NAV3: variants seen among roughly 807,000 people sequenced by gnomAD.
NAV3 encodes pore membrane and/or filament interacting like protein 1.
A neutral mutation model predicts 244.7 loss-of-function variants in NAV3; 87 were observed. The observed-to-expected ratio is 0.36, with a 90% CI of 0.30 to 0.42. The LOEUF (loss-of-function observed/expected upper bound fraction) is 0.42, where lower values mean the gene tolerates loss of function less well. Among genes scored for constraint, NAV3 ranks in the 20% least tolerant of loss-of-function variants. The probability of loss-of-function intolerance (pLI) is 1.00; values close to 1 mark genes in which losing one functional copy is unlikely to be tolerated. For synonymous variants in NAV3, 1,126 were observed against 1,042.2 expected (o/e 1.08, Z -1.55); for missense variants, 2,663 against 2,893.3 (o/e 0.92, Z 1.83).
chr12:78,008,354 G>A (rs74398310), intron 8 of NAV3, among the ~76,000 whole-genome samples: 1 of 151,892 alleles, frequency 6.6e-6, no homozygotes, highest in African/African-American at 2.4e-5. Flanking sequence ...CCATCCAAAT[G>A]GTAAAGACAA....
intron 7 of NAV3, 100 bp downstream of exon 7, chr12:77,998,576 A>T: frequency 7.8e-7 from 1 of 1,274,604 alleles, no homozygotes; most frequent in Non-Finnish European, 1.1e-6. Flanking sequence ...TTGGGCCTAG[A>T]GATGTTATCA....
intron 1 of NAV3, among the ~76,000 whole-genome samples, chr12:77,860,150 A>G (rs1879049831): frequency 6.6e-6 from 1 of 151,822 alleles, no homozygotes; most frequent in Admixed American, 6.6e-5. Flanking sequence ...ATTTGTATGT[A>G]TGTGTGCACA....
At chr12:77,751,725 T>C (rs11835907) in intron 2 of NAV3, among the ~76,000 whole-genome samples, 70,469 of 152,024 alleles carry the variant, frequency 0.46, 16,457 homozygotes, top group Middle Eastern at 0.51. Context: ...ACATACATTG[T>C]TCCTTTATAA....
rs1265590662 is a variant in NAV3 at position 77,866,559 on chromosome 12, A to G, written c.243+34855A>G. On this transcript the variant is annotated intron_variant, in intron 1 of 39. Transcript: ENST00000397909. ...CCTCCTATCCCACATCAAGACTAAT[A>G]AATAAGATTTTATAGTTTAATTACA... Among the ~76,000 whole-genome samples the G allele has an allele frequency of 2.6e-5, 4 of 152,204 alleles. No individual in the cohort carries two copies. The South Asian group carries it at 8.3e-4, about 32-fold the overall frequency.
At chr12:78,159,397 C>T in intron 23 of NAV3, 111 bp downstream of exon 23, 3 of 975,744 alleles carry the variant, frequency 3.1e-6, no homozygotes, top group Middle Eastern at 4.6e-4. Context: ...AGTGCAGAGG[C>T]TCATGCCTGT....
chr12:78,020,311 A>G (rs1157935963), intron 8 of NAV3, among the ~76,000 whole-genome samples: 1 of 152,178 alleles, frequency 6.6e-6, no homozygotes, highest in Admixed American at 6.6e-5. Context: ...CGAGATACCA[A>G]ATGATTGGAA....
chr12:77,623,041 C>A (rs1367042031), intron 2 of NAV3, among the ~76,000 whole-genome samples: 1 of 152,066 alleles, frequency 6.6e-6, no homozygotes, highest in African/African-American at 2.4e-5. Flanking sequence ...GATACCAAAC[C>A]ATGTTGACAG....
At chr12:77,863,296 C>T (rs997412505) in intron 1 of NAV3, among the ~76,000 whole-genome samples, 3 of 151,534 alleles carry the variant, frequency 2.0e-5, no homozygotes, top group Non-Finnish European at 3.0e-5. Flanking sequence ...TACAATAAAC[C>T]GTCTATATTT....
chr12:77,870,247 C>T (rs35738004), intron 1 of NAV3, among the ~76,000 whole-genome samples: 22,348 of 151,430 alleles, frequency 0.15, 1,883 homozygotes, highest in Middle Eastern at 0.24. Flanking sequence ...CGCCTGTAGT[C>T]CCAGCTACTT....
Position 77,831,519 on chromosome 12 carries a change from G to A in NAV3, c.58G>A (p.Val20Met), listed in dbSNP as rs61754235. The A allele has an allele frequency of 0.014, 22,500 of 1,613,968 alleles. 465 individuals carry two copies. The highest frequency in any genetic ancestry group is 0.081 in the East Asian group (3,642 of 44,848). ...LRQPAVGSKPVHTALPIPNLG... is the reference protein window; with the variant it reads ...LRQPAVGSKPMHTALPIPNLG... ...GCAGCCAGCTGTTGGGTCAAAGCCT[G>A]TGCATACTGCTCTTCCGATACCAAA... Residue 20 changes from valine to methionine, a missense_variant, in exon 1 of 40, where the codon GTG (valine) becomes ATG (methionine). Physicochemically the swap from Val to Met is conservative, Grantham distance 21. Transcript: ENST00000397909.
At chr12:78,106,178 G>A (rs2122067) in intron 12 of NAV3, among the ~76,000 whole-genome samples, 111,545 of 151,680 alleles carry the variant, frequency 0.74, 41,250 homozygotes, top group Middle Eastern at 0.81. Context: ...ATAAAGAAAA[G>A]CCAAAAAAAT....
intron 2 of NAV3, among the ~76,000 whole-genome samples, chr12:77,702,897 C>A (rs893931193): frequency 1.4e-4 from 22 of 151,750 alleles, no homozygotes; most frequent in African/African-American, 5.3e-4. Flanking sequence ...TCTGATTTTT[C>A]CTCTGGTATC....
intron 2 of NAV3, among the ~76,000 whole-genome samples, chr12:77,749,291 C>T (rs1436115139): frequency 2.6e-5 from 4 of 152,164 alleles, no homozygotes; most frequent in South Asian, 4.1e-4. Flanking sequence ...ACATTTCTAA[C>T]GATTCTGTTA....
At chr12:78,028,960 G>A (rs2136930056) in intron 9 of NAV3, among the ~76,000 whole-genome samples, 1 of 152,204 alleles carries the variant, frequency 6.6e-6, no homozygotes, top group South Asian at 2.1e-4. Flanking sequence ...AGTGAACAGA[G>A]GTATATGTGT....
chr12:77,919,933 T>C (rs1235797705), intron 1 of NAV3, among the ~76,000 whole-genome samples: 2 of 152,006 alleles, frequency 1.3e-5, no homozygotes, highest in African/African-American at 4.8e-5. Context: ...AGCCCATGAT[T>C]TCTCCAGAAG....
chr12:77,874,288 G>A (rs184016593), intron 1 of NAV3, among the ~76,000 whole-genome samples: 38 of 152,062 alleles, frequency 2.5e-4, no homozygotes, highest in Admixed American at 1.7e-3. Context: ...CTGCAATCAC[G>A]GATCACTGCA....
intron 2 of NAV3, among the ~76,000 whole-genome samples, chr12:77,723,720 A>G (rs1876743022): frequency 7.3e-6 from 1 of 137,276 alleles, no homozygotes; most frequent in South Asian, 2.5e-4. Flanking sequence ...GAGTCTCCAC[A>G]CAGATTTCGA....
intron 2 of NAV3, among the ~76,000 whole-genome samples, chr12:77,724,988 C>G (rs1234384803): frequency 6.6e-6 from 1 of 151,942 alleles, no homozygotes; most frequent in Non-Finnish European, 1.5e-5. Flanking sequence ...ATTTTATAAT[C>G]TTGTCAGTAA....
intron 2 of NAV3, among the ~76,000 whole-genome samples, chr12:77,637,190 G>T (rs1388791628): frequency 1.4e-5 from 2 of 147,028 alleles, no homozygotes; most frequent in Admixed American, 1.4e-4. Flanking sequence ...GACTTTGGGA[G>T]ATTATTAATG....
Sources: gnomAD v4.1 joint callset for allele counts (sites outside exome capture counted in the v4.1 genomes callset) on GRCh38, gnomAD v4.1.1 for gene constraint, MANE v1.5 for transcripts, NCBI Gene and HGNC (gene_info 2026-07-23, HGNC 2026-07-21) for gene names.